The following MCTP1 variants were observed in gnomAD, a reference collection of about 807,000 sequenced individuals.
The protein encoded by MCTP1 is multiple C2 and transmembrane domain containing 1, also known as multiple C2 and transmembrane domain-containing protein 1.
MCTP1 carries 69 observed loss-of-function variants against 120.6 expected under a neutral mutation model. That is an observed-to-expected ratio of 0.57 (90% CI 0.47 to 0.70). MCTP1 has a LOEUF of 0.70. Among genes scored for constraint, MCTP1 ranks in the 30% least tolerant of loss-of-function variants. The pLI is 0.00. For synonymous variants in MCTP1, 529 were observed against 493.1 expected (o/e 1.07, Z -0.96); for missense variants, 1,203 against 1,248.8 (o/e 0.96, Z 0.55).
intron 10 of MCTP1, 97 bp downstream of exon 10, chr5:94,909,154 A>C: frequency 1.1e-5 from 16 of 1,409,580 alleles, no homozygotes; most frequent in Non-Finnish European, 1.6e-5. Flanking sequence ...CCTTTCTTCA[A>C]AACAGTAAAG....
At chr5:95,010,742 C>T (rs188197720) in intron 2 of MCTP1, among the ~76,000 whole-genome samples, 49 of 152,156 alleles carry the variant, frequency 3.2e-4, no homozygotes, top group Admixed American at 2.9e-3. Context: ...TCTCATTCCA[C>T]TGAAAGTTGT....
intron 14 of MCTP1, 128 bp downstream of exon 14, chr5:94,871,187 T>C (rs1260848422): frequency 1.4e-6 from 1 of 707,430 alleles, no homozygotes; most frequent in Non-Finnish European, 2.4e-6. Flanking sequence ...ATGTTAAAAT[T>C]TTTAGTGTTC....
chr5:94,866,640 T>A (rs1021981477), intron 17 of MCTP1, among the ~76,000 whole-genome samples: 14 of 151,580 alleles, frequency 9.2e-5, no homozygotes, highest in Non-Finnish European at 7.4e-5. Context: ...GAACTATTAT[T>A]ACATTTCTTC....
chr5:95,006,892 A>G (rs1218678943), intron 2 of MCTP1, among the ~76,000 whole-genome samples: 4 of 152,198 alleles, frequency 2.6e-5, no homozygotes, highest in Non-Finnish European at 4.4e-5. Flanking sequence ...ATTAACAATT[A>G]TGTCAGTCAA....
In MCTP1 at chr5:94,875,915, C is replaced by T. The variant is rs528305228; in HGVS notation, c.1934-2674G>A. The stretch of plus-strand genomic sequence containing the variant: ...TAAAAAGTTCTCTTTTTACAGTTAT[C>T]ATTAATGGATGCTAACATCAGGTCT... On this transcript the variant is annotated intron_variant, in intron 12 of 22. Transcript: ENST00000515393. Among the ~76,000 whole-genome samples, 6 of 152,156 alleles carry T rather than the reference C, an allele frequency of 3.9e-5. No homozygotes were observed. In the South Asian group the frequency reaches 1.2e-3, roughly 32 times the overall value.
At chr5:94,710,465 G>C (rs1221129249) in intron 21 of MCTP1, 1 of 200,702 alleles carries the variant, frequency 5.0e-6, no homozygotes, top group African/African-American at 2.4e-5. Flanking sequence ...AGCAAAAAAA[G>C]CATATTTTCC....
intron 1 of MCTP1, among the ~76,000 whole-genome samples, chr5:95,062,256 G>T (rs1190211107): frequency 1.3e-5 from 2 of 152,180 alleles, no homozygotes; most frequent in Admixed American, 1.3e-4. Flanking sequence ...AGATTTAAGA[G>T]AATCTATGTG....
At chr5:94,857,723 T>C (rs1794966186) in intron 17 of MCTP1, among the ~76,000 whole-genome samples, 1 of 151,750 alleles carries the variant, frequency 6.6e-6, no homozygotes, top group Non-Finnish European at 1.5e-5. Context: ...ACAGATGATT[T>C]ATCTTTCTTC....
chr5:95,171,996 A>G (rs1205895087), intron 1 of MCTP1, among the ~76,000 whole-genome samples: 1 of 152,094 alleles, frequency 6.6e-6, no homozygotes, highest in Non-Finnish European at 1.5e-5. Context: ...TGATTTTTAG[A>G]AATTTCAGCT....
intron 1 of MCTP1, among the ~76,000 whole-genome samples, chr5:95,135,211 T>C (rs990499277): frequency 6.6e-6 from 1 of 152,068 alleles, no homozygotes; most frequent in African/African-American, 2.4e-5. Context: ...TGGAAAGATA[T>C]AGTAGATAAT....
chr5:95,014,162 G>C (rs1357300204), intron 2 of MCTP1, among the ~76,000 whole-genome samples: 1 of 152,114 alleles, frequency 6.6e-6, no homozygotes, highest in Non-Finnish European at 1.5e-5. Context: ...TACTCATTAG[G>C]CTGAGGCGAG....
Position 95,062,818 on chromosome 5 carries a change from T to G in MCTP1, c.721-45334A>C, listed in dbSNP as rs988577291. On this transcript the variant is annotated intron_variant, in intron 1 of 22. Transcript: ENST00000515393. ...TGTTTTATTGTTTTTTTGTTTTTTT[T>G]GTTGTTTTGTTTTTTTTGAAATAGG... Among the ~76,000 whole-genome samples, 243 of 149,492 alleles carry G rather than the reference T, an allele frequency of 1.6e-3. 1 individual carries two copies. Among genetic ancestry groups the G allele is most frequent in the Non-Finnish European group, 1.6e-3 (108 of 67,028 alleles).
chr5:94,817,214 C>G (rs919998986), intron 17 of MCTP1, among the ~76,000 whole-genome samples: 2 of 152,054 alleles, frequency 1.3e-5, no homozygotes, highest in Non-Finnish European at 2.9e-5. Flanking sequence ...ACCATCCTGG[C>G]CAACATGGTG....
chr5:94,933,466 C>A (rs1328541345), intron 5 of MCTP1, among the ~76,000 whole-genome samples: 1 of 151,600 alleles, frequency 6.6e-6, no homozygotes, highest in African/African-American at 2.4e-5. Context: ...AAGTGGTATA[C>A]CATATTTACA....
chr5:94,895,415 G>A (rs1803733794), intron 10 of MCTP1, among the ~76,000 whole-genome samples: 1 of 152,194 alleles, frequency 6.6e-6, no homozygotes. Flanking sequence ...CACCTGAGTT[G>A]TGCTAAGAGG....
At chr5:95,168,167 T>C (rs1416621339) in intron 1 of MCTP1, among the ~76,000 whole-genome samples, 1 of 152,220 alleles carries the variant, frequency 6.6e-6, no homozygotes, top group Non-Finnish European at 1.5e-5. Flanking sequence ...TTTCCCCATT[T>C]CCTGTTTTTG....
At position 94,988,597 on chromosome 5, in the gene MCTP1, GTT is replaced by G. The variant is rs752489135; in HGVS notation, c.838+28768_838+28769del. ...TGGCATTTAATAATTCCCTGTGTGT[GTT>G]TTTTTTTTTTTTTTTTTGGTACTTC... On this transcript the variant is annotated intron_variant, in intron 2 of 22. Transcript: ENST00000515393. Among the ~76,000 whole-genome samples the G allele has an allele frequency of 5.3e-3, 622 of 117,450 alleles. 5 individuals are homozygous for G. The highest frequency in any genetic ancestry group is 0.019 in the African/African-American group (577 of 29,874). 77.1% of individuals were successfully genotyped at this position (117,450 alleles called of 152,430 possible).
At chr5:95,174,839 T>C (rs1747774939) in intron 1 of MCTP1, among the ~76,000 whole-genome samples, 1 of 152,214 alleles carries the variant, frequency 6.6e-6, no homozygotes, top group Non-Finnish European at 1.5e-5. Context: ...CAATAGGATA[T>C]TTATGAAGTT....
chr5:94,937,970 C>A (rs910776575), intron 5 of MCTP1, among the ~76,000 whole-genome samples: 3 of 151,926 alleles, frequency 2.0e-5, no homozygotes, highest in African/African-American at 7.3e-5. Context: ...ACAAAGAACC[C>A]CAGCATAAGA....
Sources: gnomAD v4.1 joint callset for allele counts (sites outside exome capture counted in the v4.1 genomes callset) on GRCh38, gnomAD v4.1.1 for gene constraint, MANE v1.5 for transcripts, NCBI Gene and HGNC (gene_info 2026-07-23, HGNC 2026-07-21) for gene names.